TMX4: variants seen among roughly 807,000 people sequenced by gnomAD.
TMX4 encodes the protein thioredoxin related transmembrane protein 4.
TMX4 carries 23 observed loss-of-function variants against 33.3 expected under a neutral mutation model. The ratio of observed to expected loss-of-function variants is 0.69; its 90% CI spans 0.50 to 0.98. TMX4 has a LOEUF of 0.98. Ranked by LOEUF, TMX4 falls within the 50% of genes least tolerant of loss-of-function variation. The pLI, the probability that TMX4 is intolerant of heterozygous loss-of-function variation, is 0.00. For missense variants in TMX4, 399 were observed against 448.9 expected (o/e 0.89, Z 1.01); for synonymous variants, 164 against 161.5 (o/e 1.02, Z -0.12).
intron 7 of TMX4, among the ~76,000 whole-genome samples, chr20:7,983,196 TTC>T (rs2050616606): frequency 6.6e-6 from 1 of 152,222 alleles, no homozygotes; most frequent in Admixed American, 6.5e-5. Context: ...GATATTGGGT[TTC>T]TATTACTTTT....
At chr20:8,007,109 G>A (rs183185388) in intron 2 of TMX4, among the ~76,000 whole-genome samples, 97 of 152,242 alleles carry the variant, frequency 6.4e-4, no homozygotes, top group Admixed American at 2.0e-3. Context: ...CTGTTCTCAC[G>A]ACTCTGGCAC....
At chr20:7,990,377 T>C (rs577382808) in intron 5 of TMX4, among the ~76,000 whole-genome samples, 92 of 149,784 alleles carry the variant, frequency 6.1e-4, no homozygotes, top group African/African-American at 2.2e-3. Flanking sequence ...ACTATCATAG[T>C]ACATGATTAA....
chr20:7,982,651 T>G, intron 7 of TMX4, 30 bp from the exon 8 acceptor site: 1 of 1,575,884 alleles, frequency 6.3e-7, no homozygotes, highest in Non-Finnish European at 8.6e-7. Context: ...GAATATCCTC[T>G]GAATAAACAA....
chr20:8,009,989 G>A (rs2050746173), intron 2 of TMX4, among the ~76,000 whole-genome samples: 1 of 150,884 alleles, frequency 6.6e-6, no homozygotes, highest in Admixed American at 6.6e-5. Flanking sequence ...AATAAAAATA[G>A]AAAAAATAGA....
intron 1 of TMX4, among the ~76,000 whole-genome samples, chr20:8,015,022 T>TA (rs1180061068): frequency 4.0e-5 from 6 of 151,576 alleles, no homozygotes; most frequent in Admixed American, 6.6e-5. Flanking sequence ...TTTTTTTTTT[T>TA]ATCTCCACTA....
At chr20:7,993,371 T>C (rs1456009763) in intron 5 of TMX4, among the ~76,000 whole-genome samples, 1 of 152,202 alleles carries the variant, frequency 6.6e-6, no homozygotes. Context: ...AAAAAACAAA[T>C]ACGTTTGCCA....
At chr20:8,010,488 T>C (rs2050748513) in intron 1 of TMX4, among the ~76,000 whole-genome samples, 173 bp from the exon 2 acceptor site, 2 of 152,148 alleles carry the variant, frequency 1.3e-5, no homozygotes, top group Admixed American at 1.3e-4. Context: ...CCCACTAGGA[T>C]TTAATGTATG....
At chr20:8,010,361 A>T in intron 1 of TMX4, 46 bp from the exon 2 acceptor site, 2 of 1,280,106 alleles carry the variant, frequency 1.6e-6, no homozygotes, top group Non-Finnish European at 2.1e-6. Flanking sequence ...TACAGAAGAA[A>T]TCTGCAAAAC....
intron 2 of TMX4, 85 bp from the exon 3 acceptor site, chr20:8,001,626 T>A: frequency 8.0e-7 from 1 of 1,246,512 alleles, no homozygotes; most frequent in African/African-American, 1.5e-5. Context: ...ATCACATTAT[T>A]AAAATCACTG....
At chr20:7,996,988 C>A (rs1009450126) in intron 4 of TMX4, among the ~76,000 whole-genome samples, 2 of 152,114 alleles carry the variant, frequency 1.3e-5, no homozygotes, top group Non-Finnish European at 2.9e-5. Context: ...ATTCAATGTC[C>A]ATGTCTCAGA....
At chr20:8,016,615 G>C (rs1600149580) in intron 1 of TMX4, among the ~76,000 whole-genome samples, 1 of 152,072 alleles carries the variant, frequency 6.6e-6, no homozygotes, top group African/African-American at 2.4e-5. Flanking sequence ...ATGTCTCAGG[G>C]CTGCCAAATA....
Position 7,987,407 on chromosome 20 carries a change from AAAAT to A in TMX4, c.514-22_514-19del. 2 of 1,543,092 alleles carry A rather than the reference AAAAT, an allele frequency of 1.3e-6. No homozygotes were observed. Among genetic ancestry groups the A allele is most frequent in the Non-Finnish European group, 1.7e-6 (2 of 1,148,410 alleles). On this transcript the variant is annotated intron_variant, in intron 5 of 7. Coordinates refer to ENST00000246024, the MANE Select transcript of TMX4 (RefSeq NM_021156.4). ...TGAAGATGCTGGAATCAGAAGAAAA[AAAAT>A]AAAACATTAATTTTTAAGAGAACCA...
chr20:7,999,876 A>G lies in TMX4; in HGVS notation c.339-16T>C. ...ATCCTTTGCACTATAAATTATGAAA[A>G]CAAGTAGAAAGCAAATGCATTAAAA... On this transcript the variant is annotated splice_polypyrimidine_tract_variant and intron_variant, in intron 3 of 7. Transcript: ENST00000246024. The G allele has an allele frequency of 6.3e-7, 1 of 1,596,890 alleles. No individual in the cohort carries two copies. The highest frequency in any genetic ancestry group is 8.5e-7 in the Non-Finnish European group (1 of 1,175,486).
At chr20:7,990,008 T>C (rs1021065144) in intron 5 of TMX4, among the ~76,000 whole-genome samples, 1 of 152,086 alleles carries the variant, frequency 6.6e-6, no homozygotes, top group Non-Finnish European at 1.5e-5. Flanking sequence ...AGAAAGTATC[T>C]TACTCGGGCT....
chr20:7,982,179 G>A lies in TMX4; in HGVS notation c.*72C>T, dbSNP rs2050608962. The A allele has an allele frequency of 3.2e-5, 47 of 1,469,144 alleles. No individual in the cohort carries two copies. Among genetic ancestry groups the A allele is most frequent in the Non-Finnish European group, 3.7e-5 (41 of 1,094,266 alleles). The allele number at this position is 1,469,144 out of a possible 1,614,324, so 91.0% of individuals were successfully genotyped here. ...CTCATTCAGGAAAAATTAAGGATTT[G>A]GTACAAACTGCAGGCCAAAGGGAAG... On this transcript the variant is annotated 3_prime_UTR_variant, in exon 8 of 8. Coordinates refer to ENST00000246024, the MANE Select transcript of TMX4 (RefSeq NM_021156.4).
chr20:7,993,326 T>G (rs747054498), intron 5 of TMX4, among the ~76,000 whole-genome samples: 5 of 152,218 alleles, frequency 3.3e-5, no homozygotes, highest in Non-Finnish European at 7.3e-5. Context: ...ATTAATATAT[T>G]TGCATTGTAG....
intron 1 of TMX4, among the ~76,000 whole-genome samples, chr20:8,016,421 T>TA (rs1380402472): frequency 6.6e-6 from 1 of 152,194 alleles, no homozygotes; most frequent in Non-Finnish European, 1.5e-5. Flanking sequence ...AAAATGTATG[T>TA]AGCAATGGGA....
Position 7,983,797 on chromosome 20 carries a change from A to G in TMX4, c.676T>C (p.Ser226Pro). 6.2e-7 allele frequency: 1 copy of G among 1,613,606 alleles called. No individual in the cohort carries two copies. Among genetic ancestry groups the G allele is most frequent in the Non-Finnish European group, 8.5e-7 (1 of 1,179,720 alleles). Reference sequence around the variant, plus strand: ...CACAGGAGCTTATCGTACTTACCAGAACGCTCAGATAAATGCCTTGGAAGT... The same window carrying G: ...CACAGGAGCTTATCGTACTTACCAGGACGCTCAGATAAATGCCTTGGAAGT... Reference protein sequence around the residue: ...VPLPRHLSERSEQNRRSEEAH... With the variant: ...VPLPRHLSERPEQNRRSEEAH... The change falls in exon 7 of 8, where the codon TCT becomes CCT. Residue 226 changes from serine to proline, a missense_variant. By Grantham distance (74) the Ser-to-Pro change is moderately conservative (BLOSUM62 -1). Transcript: ENST00000246024.
intron 5 of TMX4, among the ~76,000 whole-genome samples, chr20:7,991,918 T>A (rs2122858880): frequency 6.6e-6 from 1 of 152,066 alleles, no homozygotes; most frequent in African/African-American, 2.4e-5. Context: ...AGTGCCACTC[T>A]GTAGCACTGT....
Sources: allele counts gnomAD v4.1 joint callset (sites outside exome capture counted in the v4.1 genomes callset), GRCh38; gene constraint gnomAD v4.1.1; transcripts MANE v1.5; gene names NCBI Gene and HGNC (gene_info 2026-07-23, HGNC 2026-07-21).